The following LINGO2 variants were observed in gnomAD, a reference collection of about 807,000 sequenced individuals.
LINGO2 encodes leucine-rich repeat and immunoglobulin-like domain-containing nogo receptor-interacting protein 2.
In LINGO2, 14 loss-of-function variants were observed where a neutral mutation model predicts 30.6. That is an observed-to-expected ratio of 0.46 (90% CI 0.30 to 0.72). The LOEUF is 0.72. Among genes scored for constraint, LINGO2 ranks in the 30% least tolerant of loss-of-function variants. LINGO2 has a pLI of 0.07. For missense variants in LINGO2, 729 were observed against 751.7 expected (o/e 0.97, Z 0.35); for synonymous variants, 317 against 288.5 (o/e 1.10, Z -1.00).
chr9:28,629,302 T>C (rs1196073783), intron 1 of LINGO2, among the ~76,000 whole-genome samples: 2 of 152,150 alleles, frequency 1.3e-5, no homozygotes, highest in African/African-American at 4.8e-5. Context: ...GAATGTATTA[T>C]AAACTGTGCT....
At chr9:29,125,939 C>T in the LINGO2 span, among the ~76,000 whole-genome samples, 1 of 151,972 alleles carries the variant, frequency 6.6e-6, no homozygotes, top group Non-Finnish European at 1.5e-5. Context: ...ATCTCACCAG[C>T]CCTTGAACAA....
intron 1 of LINGO2, among the ~76,000 whole-genome samples, chr9:28,478,793 T>C (rs1317231944): frequency 6.6e-6 from 1 of 152,082 alleles, no homozygotes; most frequent in Non-Finnish European, 1.5e-5. Context: ...AGATTGTCCT[T>C]GCCTTGAAGA....
chr9:28,189,315 GGAAGGA>G (rs1819676117), intron 4 of LINGO2, among the ~76,000 whole-genome samples: 3 of 74,700 alleles, frequency 4.0e-5, no homozygotes, highest in Non-Finnish European at 8.7e-5. Flanking sequence ...GAGGAAGGAA[GGAAGGA>G]AGGGAGGGAG....
chr9:28,430,278 G>A (rs1462955645), intron 2 of LINGO2, among the ~76,000 whole-genome samples: 3 of 152,116 alleles, frequency 2.0e-5, no homozygotes, highest in Non-Finnish European at 4.4e-5. Context: ...TGTGACTTAG[G>A]TGGGTGAAAG....
At chr9:29,189,230 A>C in the LINGO2 span, among the ~76,000 whole-genome samples, 783 of 97,036 alleles carry the variant, frequency 8.1e-3, no homozygotes, top group Middle Eastern at 0.045. Context: ...CGGGCAGAGG[A>C]GCCCCTCACC....
the LINGO2 span, among the ~76,000 whole-genome samples, chr9:28,922,173 G>A: frequency 6.6e-6 from 1 of 152,094 alleles, no homozygotes; most frequent in African/African-American, 2.4e-5. Flanking sequence ...TCTGCTTCTA[G>A]CTTTGACTTT....
At chr9:28,233,760 G>T (rs1019543042) in intron 4 of LINGO2, among the ~76,000 whole-genome samples, 1 of 152,136 alleles carries the variant, frequency 6.6e-6, no homozygotes, top group Non-Finnish European at 1.5e-5. Context: ...GCCACAATAG[G>T]ATAGGCACCA....
At chr9:28,074,537 C>T (rs996542061) in intron 4 of LINGO2, among the ~76,000 whole-genome samples, 8 of 152,080 alleles carry the variant, frequency 5.3e-5, no homozygotes, top group African/African-American at 1.9e-4. Context: ...ATATGTTCCT[C>T]ATTAGTGGAG....
At chr9:28,040,591 A>G (rs1192276917) in intron 4 of LINGO2, among the ~76,000 whole-genome samples, 1 of 152,166 alleles carries the variant, frequency 6.6e-6, no homozygotes, top group Non-Finnish European at 1.5e-5. Context: ...TTGTTCCAAT[A>G]CTAACTGAGC....
intron 4 of LINGO2, among the ~76,000 whole-genome samples, chr9:28,218,659 C>G (rs1465040135): frequency 1.3e-5 from 2 of 152,088 alleles, no homozygotes; most frequent in Non-Finnish European, 1.5e-5. Flanking sequence ...TAACTATATT[C>G]TCCACCATGA....
intron 1 of LINGO2, among the ~76,000 whole-genome samples, chr9:28,499,885 G>T (rs2135309815): frequency 6.6e-6 from 1 of 152,210 alleles, no homozygotes; most frequent in African/African-American, 2.4e-5. Context: ...CCCACTGGAT[G>T]CCATAGTTGC....
chr9:29,030,861 C>A, the LINGO2 span, among the ~76,000 whole-genome samples: 1 of 152,260 alleles, frequency 6.6e-6, no homozygotes, highest in South Asian at 2.1e-4. Context: ...TCAATTATTA[C>A]TGAGATTTGC....
chr9:28,793,515 A>G, the LINGO2 span, among the ~76,000 whole-genome samples: 3 of 152,200 alleles, frequency 2.0e-5, no homozygotes, highest in Non-Finnish European at 2.9e-5. Flanking sequence ...TTACCCTGAT[A>G]TATTCCTATA....
chr9:27,938,233 C>CA, the LINGO2 span: 2 of 152,110 alleles, frequency 1.3e-5, no homozygotes, highest in Non-Finnish European at 2.9e-5. Flanking sequence ...TAACCTAAGC[C>CA]AATCGATGGC....
chr9:28,684,480 C>T, the LINGO2 span, among the ~76,000 whole-genome samples: 8 of 149,672 alleles, frequency 5.3e-5, no homozygotes, highest in African/African-American at 7.4e-5. Flanking sequence ...TGAGCCACCG[C>T]GCCCAGCCTT....
At chr9:28,198,168 ACTAAATGTCCAT>A (rs1190743378) in intron 4 of LINGO2, among the ~76,000 whole-genome samples, 1 of 151,890 alleles carries the variant, frequency 6.6e-6, no homozygotes, top group African/African-American at 2.4e-5. Context: ...GGAAAAAAAA[ACTAAATGTCCAT>A]CAATAAGTTG....
intron 1 of LINGO2, among the ~76,000 whole-genome samples, chr9:28,632,748 A>C (rs1001952468): frequency 1.5e-5 from 2 of 137,278 alleles, no homozygotes; most frequent in African/African-American, 2.8e-5. Flanking sequence ...ATTTATATAT[A>C]GATCTATATA....
the LINGO2 span, among the ~76,000 whole-genome samples, chr9:28,991,115 C>G: frequency 6.6e-6 from 1 of 152,092 alleles, no homozygotes; most frequent in Non-Finnish European, 1.5e-5. Flanking sequence ...TAAAAACTAT[C>G]ACAAAAATTT....
chr9:28,310,815 T>C (rs1328578857), intron 3 of LINGO2, among the ~76,000 whole-genome samples: 1 of 152,220 alleles, frequency 6.6e-6, no homozygotes, highest in Non-Finnish European at 1.5e-5. Context: ...TTAAATCTCT[T>C]CTATCTGTAG....
Sources: gnomAD v4.1 joint callset for allele counts (sites outside exome capture counted in the v4.1 genomes callset) on GRCh38, gnomAD v4.1.1 for gene constraint, MANE v1.5 for transcripts, NCBI Gene and HGNC (gene_info 2026-07-23, HGNC 2026-07-21) for gene names.